The following CSF2RA variants were observed in gnomAD, a reference collection of about 807,000 sequenced individuals.
CSF2RA encodes the protein colony stimulating factor 2 receptor subunit alpha, also known as granulocyte-macrophage colony-stimulating factor receptor subunit alpha.
CSF2RA carries 42 observed loss-of-function variants against 51.6 expected under a neutral mutation model. That is an observed-to-expected ratio of 0.81 (90% CI 0.64 to 1.05). The LOEUF (loss-of-function observed/expected upper bound fraction) is 1.05. Ranked by LOEUF, CSF2RA falls within the 50% of genes least tolerant of loss-of-function variation. The pLI is 0.00. For missense variants in CSF2RA, 530 were observed against 501.1 expected, an observed-to-expected ratio of 1.06 and a Z score of -0.55; for synonymous variants, 222 against 193.0, an observed-to-expected ratio of 1.15 and a Z score of -1.24.
chrX:1,304,131 G>T, intron 11 of CSF2RA, 112 bp downstream of exon 11: 1 of 1,016,332 alleles, frequency 9.8e-7, no homozygotes, highest in Non-Finnish European at 1.6e-6. Context: ...AGCCTTGGCC[G>T]GGCGTGTTGG....
chrX:1,285,646 G>A (rs2090542744), intron 3 of CSF2RA, 132 bp from the exon 4 acceptor site: 2 of 1,085,152 alleles, frequency 1.8e-6, no homozygotes, highest in African/African-American at 3.5e-5. Flanking sequence ...AGCTTGCAGT[G>A]ACCTGAGATC....
chrX:1,322,446 T>G, the CSF2RA span, among the ~76,000 whole-genome samples: 6 of 88,742 alleles, frequency 6.8e-5, no homozygotes, highest in African/African-American at 1.4e-4. Context: ...TTTGTTTTTT[T>G]TTTTTTTTTT....
At chrX:1,323,085 C>T in the CSF2RA span, among the ~76,000 whole-genome samples, 5 of 151,262 alleles carry the variant, frequency 3.3e-5, no homozygotes, top group East Asian at 3.9e-4. Context: ...GCCGAGATCG[C>T]GCCACCGCAC....
downstream of CSF2RA, among the ~76,000 whole-genome samples, chrX:1,314,000 G>A (rs71214318): frequency 0.28 from 41,994 of 151,368 alleles, 6,772 homozygotes; most frequent in Non-Finnish European, 0.37. Context: ...CAAAATAAAT[G>A]AATAAATAAA....
chrX:1,304,096 C>T, intron 11 of CSF2RA, 77 bp downstream of exon 11: 6 of 1,239,018 alleles, frequency 4.8e-6, no homozygotes, highest in Non-Finnish European at 7.1e-6. Flanking sequence ...CAGTCTCTGT[C>T]TCTGTCTCTG....
chrX:1,285,235 T>C (rs2090498293), intron 3 of CSF2RA, among the ~76,000 whole-genome samples: 1 of 151,744 alleles, frequency 6.6e-6, no homozygotes, highest in African/African-American at 2.4e-5. Flanking sequence ...GCAGTAGAAA[T>C]CTCCTTTTTC....
downstream of CSF2RA, among the ~76,000 whole-genome samples, chrX:1,314,045 T>A (rs1209747691): frequency 5.9e-5 from 9 of 151,790 alleles, no homozygotes; most frequent in Non-Finnish European, 7.4e-5. Flanking sequence ...AAATAAAAAA[T>A]AAAAAACAGC....
chrX:1,285,393 G>T (rs375469568), intron 3 of CSF2RA, among the ~76,000 whole-genome samples: 19 of 152,058 alleles, frequency 1.2e-4, no homozygotes, highest in African/African-American at 4.6e-4. Flanking sequence ...AGCCGGGTGG[G>T]AGGACAGAAA....
At chrX:1,285,447 A>G (rs1214531046) in intron 3 of CSF2RA, among the ~76,000 whole-genome samples, 1 of 151,786 alleles carries the variant, frequency 6.6e-6, no homozygotes, top group Non-Finnish European at 1.5e-5. Flanking sequence ...TTATCCCAGC[A>G]CTTCGGGAGG....
chrX:1,278,999 T>A (rs779170814), intron 2 of CSF2RA, among the ~76,000 whole-genome samples: 1 of 151,638 alleles, frequency 6.6e-6, no homozygotes, highest in Admixed American at 6.6e-5. Flanking sequence ...ATGGCGCCAC[T>A]GTACTCCAGC....
intron 12 of CSF2RA, among the ~76,000 whole-genome samples, chrX:1,308,190 G>T (rs73618057): frequency 0.11 from 16,900 of 152,062 alleles, 1,224 homozygotes; most frequent in Middle Eastern, 0.19. Flanking sequence ...CGTAGCAGCC[G>T]CTGAGTCATG....
chrX:1,286,856 T>C (rs1353475418), intron 4 of CSF2RA, among the ~76,000 whole-genome samples: 1 of 152,062 alleles, frequency 6.6e-6, no homozygotes, highest in African/African-American at 2.4e-5. Flanking sequence ...GTCAGTCACG[T>C]TGTCAGTGTG....
downstream of CSF2RA, among the ~76,000 whole-genome samples, chrX:1,315,122 G>C (rs186463386): frequency 4.6e-5 from 7 of 152,000 alleles, no homozygotes; most frequent in South Asian, 2.1e-4. Flanking sequence ...GTCACACTGT[G>C]GGGGGGAGGG....
chrX:1,289,718 T>C (rs1307848321), intron 6 of CSF2RA, among the ~76,000 whole-genome samples: 1 of 151,720 alleles, frequency 6.6e-6, no homozygotes, highest in East Asian at 1.9e-4. Flanking sequence ...GTTTGTGTTT[T>C]GGTGTTTTTG....
At chrX:1,300,044 C>T (rs1416231938) in intron 9 of CSF2RA, among the ~76,000 whole-genome samples, 3 of 151,154 alleles carry the variant, frequency 2.0e-5, no homozygotes, top group Non-Finnish European at 4.4e-5. Context: ...GGTGAAACCC[C>T]GTCTCCACTA....
At chrX:1,308,036 C>G (rs1198674749) in intron 12 of CSF2RA, among the ~76,000 whole-genome samples, 5 of 148,718 alleles carry the variant, frequency 3.4e-5, no homozygotes, top group Non-Finnish European at 5.9e-5. Context: ...TGAGGCCCAC[C>G]CCTCTTCAGA....
intron 7 of CSF2RA, among the ~76,000 whole-genome samples, chrX:1,291,336 T>C (rs1218397942): frequency 1.4e-5 from 2 of 145,792 alleles, no homozygotes; most frequent in African/African-American, 5.1e-5. Flanking sequence ...CCTTCCTCCT[T>C]CCCTCCCTTC....
intron 9 of CSF2RA, among the ~76,000 whole-genome samples, chrX:1,298,920 G>A (rs181039964): frequency 4.6e-5 from 7 of 151,798 alleles, no homozygotes; most frequent in Non-Finnish European, 7.4e-5. Flanking sequence ...TACTCTGCCC[G>A]ACATACAGTT....
At chrX:1,325,213 A>T in the CSF2RA span, among the ~76,000 whole-genome samples, 2 of 147,902 alleles carry the variant, frequency 1.4e-5, no homozygotes, top group Non-Finnish European at 3.0e-5. Context: ...ACACAAAAAA[A>T]TTAGCCGGGC....
Sources: allele counts gnomAD v4.1 joint callset (sites outside exome capture counted in the v4.1 genomes callset), GRCh38; gene constraint gnomAD v4.1.1; transcripts MANE v1.5; gene names NCBI Gene and HGNC (gene_info 2026-07-23, HGNC 2026-07-21).